Variants in FNBP1 observed in about 807,000 individuals in gnomAD.
The protein encoded by FNBP1 is formin-binding protein 1.
In FNBP1, 26 loss-of-function variants were observed where a neutral mutation model predicts 90.6. The ratio of observed to expected loss-of-function variants is 0.29; its 90% CI spans 0.21 to 0.40. FNBP1 has a LOEUF of 0.40. Among genes scored for constraint, FNBP1 ranks in the 10% least tolerant of loss-of-function variants. The pLI, the probability that FNBP1 is intolerant of heterozygous loss-of-function variation, is 1.00. For synonymous variants in FNBP1, 260 were observed against 265.2 expected, an observed-to-expected ratio of 0.98 and a Z score of 0.19; for missense variants, 635 against 768.0, an observed-to-expected ratio of 0.83 and a Z score of 2.05.
At chr9:129,952,787 A>G (rs1298829418) in intron 6 of FNBP1, among the ~76,000 whole-genome samples, 1 of 152,198 alleles carries the variant, frequency 6.6e-6, no homozygotes, top group Non-Finnish European at 1.5e-5. Context: ...AGTAAAATAG[A>G]CAGAACATCA....
chr9:129,953,228 G>A (rs944732155), intron 6 of FNBP1, among the ~76,000 whole-genome samples: 1 of 152,312 alleles, frequency 6.6e-6, no homozygotes, highest in East Asian at 1.9e-4. Flanking sequence ...GCTCACGCCT[G>A]TAATCGCAGC....
chr9:129,964,006 A>C (rs1394755706), intron 4 of FNBP1, among the ~76,000 whole-genome samples: 1 of 152,178 alleles, frequency 6.6e-6, no homozygotes, highest in Non-Finnish European at 1.5e-5. Flanking sequence ...CAGGAAATTA[A>C]GGGAGGGAAC....
Position 129,986,805 on chromosome 9 carries a change from A to T in FNBP1, c.141-7431T>A, listed in dbSNP as rs7033535. ...ATGCCGTCTCAAGAAAAAAAATTTT[A>T]AAAATAAAAAAATAAAAATAAGAAT... On this transcript the variant is annotated intron_variant, in intron 2 of 16. Coordinates refer to ENST00000446176, the MANE Select transcript of FNBP1 (RefSeq NM_015033.3). 7.2e-3 allele frequency among the ~76,000 whole-genome samples: 1,089 copies of T among 152,072 alleles called. 18 individuals carry two copies. The highest frequency in any genetic ancestry group is 0.016 in the African/African-American group (645 of 41,446).
At chr9:129,935,192 T>G (rs1213988411) in intron 6 of FNBP1, among the ~76,000 whole-genome samples, 1 of 147,136 alleles carries the variant, frequency 6.8e-6, no homozygotes, top group Non-Finnish European at 1.5e-5. Context: ...GGCACCATCA[T>G]AGCTCACTGC....
At position 129,958,491 on chromosome 9, in the gene FNBP1, A is replaced by G. The variant is rs17519205; in HGVS notation, c.408T>C (p.Ser136=). Residue 136 remains serine (S), a splice_region_variant and synonymous_variant, in exon 5 of 17, where the codon TCT becomes TCC. Coordinates refer to ENST00000446176, the MANE Select transcript of FNBP1 (RefSeq NM_015033.3). ...CTTTTGCTGTGCATTGTTCACTTAC[A>G]GATTCAAGCTGCTTCCAGCAAGTCT... The part of the protein sequence containing the change: ...HIETCWKQLE[S]SKRRFERDCK... 154,800 of 1,590,904 alleles carry G rather than the reference A, an allele frequency of 0.097. 8,126 individuals carry two copies. Among genetic ancestry groups the G allele is most frequent in the Admixed American group, 0.15 (8,555 of 56,268 alleles).
chr9:129,961,847 A>G (rs1308572292), intron 4 of FNBP1, among the ~76,000 whole-genome samples: 1 of 152,078 alleles, frequency 6.6e-6, no homozygotes, highest in African/African-American at 2.4e-5. Flanking sequence ...CGGCCTCCCA[A>G]AGTGCTGGGA....
At chr9:129,910,515 AAATTTCTTCAAATAACC>A (rs1386465703) in intron 11 of FNBP1, among the ~76,000 whole-genome samples, 2 of 148,722 alleles carry the variant, frequency 1.3e-5, no homozygotes, top group Admixed American at 1.4e-4. Flanking sequence ...AGAGAGAGAG[AAATTTCTTCAAATAACC>A]AGGGATAAGC....
chr9:129,900,289 A>G lies in FNBP1; in HGVS notation c.1550+137T>C. On this transcript the variant is annotated intron_variant, in intron 14 of 16. Transcript: ENST00000446176. This position sits in a 1 kb window ranked among gnomAD's most constrained non-coding sequence, Gnocchi z 4.1. ...GGAATTATAAATCTGCATCATGGAA[A>G]AAGTGACAGGTCAATCGCAACAGAC... is the stretch of plus-strand genomic sequence containing the variant. The G allele has an allele frequency of 7.9e-6, 9 of 1,144,202 alleles. No individual in the cohort carries two copies. Among genetic ancestry groups the G allele is most frequent in the Non-Finnish European group, 1.1e-5 (9 of 839,864 alleles). The allele number at this position is 1,144,202 out of a possible 1,614,324, so 70.9% of individuals were successfully genotyped here.
chr9:129,920,158 T>C (rs1376269780), intron 10 of FNBP1, among the ~76,000 whole-genome samples: 1 of 152,192 alleles, frequency 6.6e-6, no homozygotes, highest in East Asian at 1.9e-4. Flanking sequence ...ACACATCATT[T>C]GGGAAATTTT....
chr9:129,990,004 T>C (rs1329815863), intron 2 of FNBP1, among the ~76,000 whole-genome samples: 4 of 149,356 alleles, frequency 2.7e-5, no homozygotes, highest in African/African-American at 9.9e-5. Context: ...CCACCCAGGG[T>C]GACAGAGTGA....
chr9:130,026,346 T>C (rs2058337756), intron 1 of FNBP1, among the ~76,000 whole-genome samples: 1 of 151,696 alleles, frequency 6.6e-6, no homozygotes, highest in Non-Finnish European at 1.5e-5. Flanking sequence ...ATACCAAAAT[T>C]AGCCAGGCAG....
the FNBP1 span, among the ~76,000 whole-genome samples, chr9:130,050,631 T>C: frequency 1.3e-5 from 2 of 151,884 alleles, no homozygotes; most frequent in Non-Finnish European, 2.9e-5. Context: ...GCTTTTGGTT[T>C]GCAATATCAA....
intron 1 of FNBP1, among the ~76,000 whole-genome samples, chr9:130,034,055 C>G (rs1174091063): frequency 6.7e-6 from 1 of 149,716 alleles, no homozygotes; most frequent in African/African-American, 2.5e-5. Flanking sequence ...GCTGCGGTGG[C>G]TCACACCTGT....
intron 15 of FNBP1, among the ~76,000 whole-genome samples, chr9:129,898,354 G>A (rs952130195): frequency 1.3e-5 from 2 of 152,050 alleles, no homozygotes; most frequent in Admixed American, 6.6e-5. Flanking sequence ...AGACATCTAA[G>A]CTCCAGCCAC....
intron 4 of FNBP1, among the ~76,000 whole-genome samples, chr9:129,967,475 A>C: frequency 6.6e-6 from 1 of 152,114 alleles, no homozygotes; most frequent in East Asian, 1.9e-4. Context: ...AGATAGCGCC[A>C]CTGCACTCCA....
chr9:130,048,491 C>CCTTTTTTTT, the FNBP1 span, among the ~76,000 whole-genome samples: 1 of 105,082 alleles, frequency 9.5e-6, no homozygotes, highest in African/African-American at 3.6e-5. Flanking sequence ...CCTCAGTTTC[C>CCTTTTTTTT]TTTTTTTTTT....
chr9:129,932,028 T>C (rs2042830555), intron 6 of FNBP1, among the ~76,000 whole-genome samples: 1 of 151,404 alleles, frequency 6.6e-6, no homozygotes, highest in Non-Finnish European at 1.5e-5. Flanking sequence ...CTGGCCAACA[T>C]GGTGAAACCC....
rs2036978085 is a variant in FNBP1, at chr9:129,901,709, C to T, written c.1428+1160G>A. 2.6e-5 allele frequency among the ~76,000 whole-genome samples: 4 copies of T among 151,694 alleles called. No individual in the cohort carries two copies. In the South Asian group the frequency reaches 8.3e-4, roughly 32 times the overall value. On this transcript the variant is annotated intron_variant, in intron 13 of 16. Transcript: ENST00000446176. ...GGTGGAGCATCTGAGGTCAGGAGTT[C>T]GAGACCAGCCTGGCCAACATGGCAA...
intron 1 of FNBP1, among the ~76,000 whole-genome samples, chr9:130,037,194 T>C (rs1360540713): frequency 6.6e-6 from 1 of 151,264 alleles, no homozygotes; most frequent in East Asian, 1.9e-4. Context: ...CCATCTCTAG[T>C]ATGAAAAATA....
Sources: gnomAD v4.1 joint callset for allele counts (sites outside exome capture counted in the v4.1 genomes callset) on GRCh38, gnomAD v4.1.1 for gene constraint, Gnocchi (gnomAD v3.1) non-coding constraint, MANE v1.5 for transcripts, NCBI Gene and HGNC (gene_info 2026-07-23, HGNC 2026-07-21) for gene names.